CNTRL: variants seen among roughly 807,000 people sequenced by gnomAD.
CNTRL encodes 110 kDa centrosomal protein.
A neutral mutation model predicts 303.7 loss-of-function variants in CNTRL; 233 were observed. That is an observed-to-expected ratio of 0.77 (90% CI 0.69 to 0.86). CNTRL has a LOEUF of 0.86. Ranked by LOEUF, CNTRL falls within the 40% of genes least tolerant of loss-of-function variation. The pLI, the probability that CNTRL is intolerant of heterozygous loss-of-function variation, is 0.00. For missense variants in CNTRL, 2,524 were observed against 2,650.6 expected (o/e 0.95, Z 1.05); for synonymous variants, 900 against 922.2 (o/e 0.98, Z 0.44).
chr9:121,173,672 A>G lies in CNTRL; in HGVS notation c.6685-3A>G, dbSNP rs757310475. The G allele has an allele frequency of 6.2e-7, 1 of 1,614,146 alleles. No individual in the cohort carries two copies. Among genetic ancestry groups the G allele is most frequent in the South Asian group, 1.1e-5 (1 of 91,074 alleles). ...TGATATCTCTATTTTCCCTCTGAGA[A>G]AGGATGAACACTGGCGTGGAGAAGC... On this transcript the variant is annotated splice_region_variant and splice_polypyrimidine_tract_variant and intron_variant, in intron 41 of 43. Coordinates refer to ENST00000373855, the MANE Select transcript of CNTRL (RefSeq NM_007018.6).
intron 2 of CNTRL, among the ~76,000 whole-genome samples, chr9:121,081,923 C>A (rs2048156228): frequency 6.6e-6 from 1 of 152,194 alleles, no homozygotes; most frequent in Non-Finnish European, 1.5e-5. Context: ...TCTAAACATG[C>A]CTTAGTCTTT....
At chr9:121,133,367 T>C (rs995143016) in intron 14 of CNTRL, among the ~76,000 whole-genome samples, 2 of 152,102 alleles carry the variant, frequency 1.3e-5, no homozygotes, top group African/African-American at 2.4e-5. Flanking sequence ...CCCCTCCCCC[T>C]GCCAGGCTGC....
At chr9:121,138,517 T>G (rs777716273) in intron 15 of CNTRL, 28 bp from the exon 16 acceptor site, 2 of 1,605,544 alleles carry the variant, frequency 1.2e-6, no homozygotes, top group Non-Finnish European at 1.7e-6. Flanking sequence ...GTTTTACACT[T>G]TCATGTCATT....
In CNTRL at chr9:121,171,430, G is replaced by A. The variant is rs777610127; in HGVS notation, c.6299G>A (p.Cys2100Tyr). ...TAGGAGCAAAAACAGGAGAACAGCT[G>A]CATACAAAAGGAAATGGCAACAATT... ...NLLEQKQENSCIQKEMATIEL... is the reference protein window; with the variant it reads ...NLLEQKQENSYIQKEMATIEL... The change falls in exon 40 of 44, where the codon TGC becomes TAC. Residue 2100 changes from cysteine to tyrosine, a missense_variant. Physicochemically the swap from Cys to Tyr is radical, Grantham distance 194. Coordinates refer to ENST00000373855, the MANE Select transcript of CNTRL (RefSeq NM_007018.6). The A allele has an allele frequency of 2.5e-6, 4 of 1,614,024 alleles. No homozygotes were observed. In the Admixed American group the frequency reaches 6.7e-5, roughly 27 times the overall value.
intron 16 of CNTRL, 44 bp from the exon 17 acceptor site, chr9:121,140,597 T>C (rs753147880): frequency 3.9e-6 from 6 of 1,525,712 alleles, no homozygotes; most frequent in Admixed American, 3.7e-5. Context: ...AGTGAAAATA[T>C]GCTGGCATGT....
chr9:121,127,654 T>C (rs1003990456), intron 14 of CNTRL, among the ~76,000 whole-genome samples: 3 of 152,128 alleles, frequency 2.0e-5, no homozygotes, highest in Non-Finnish European at 4.4e-5. Flanking sequence ...TGATTTTATA[T>C]ACTTTTTAAT....
At chr9:121,132,402 C>A (rs1409604712) in intron 14 of CNTRL, among the ~76,000 whole-genome samples, 5 of 152,136 alleles carry the variant, frequency 3.3e-5, no homozygotes, top group Non-Finnish European at 7.4e-5. Flanking sequence ...CACTGATACC[C>A]TTTCTTCCAC....
chr9:121,080,765 A>G (rs2048107018), intron 2 of CNTRL, among the ~76,000 whole-genome samples: 1 of 152,188 alleles, frequency 6.6e-6, no homozygotes. Context: ...TCTCTCCTTT[A>G]TATACTGTAT....
intron 4 of CNTRL, among the ~76,000 whole-genome samples, chr9:121,091,884 C>CTTT (rs148922615): frequency 1.2e-4 from 9 of 74,968 alleles, no homozygotes; most frequent in East Asian, 3.4e-4. Flanking sequence ...GAGGTCTTCT[C>CTTT]TTTTTTTTTT....
chr9:121,168,790 C>A (rs1049218004), intron 38 of CNTRL, among the ~76,000 whole-genome samples: 10 of 152,084 alleles, frequency 6.6e-5, no homozygotes, highest in African/African-American at 2.4e-4. Flanking sequence ...ACGTGGGAAT[C>A]CAGGGTAAAT....
intron 3 of CNTRL, among the ~76,000 whole-genome samples, chr9:121,089,197 A>G (rs1320412082): frequency 1.3e-5 from 2 of 152,240 alleles, no homozygotes; most frequent in Non-Finnish European, 2.9e-5. Context: ...GCAAGTTGGC[A>G]TATTGTTATT....
intron 20 of CNTRL, 43 bp from the exon 21 acceptor site, chr9:121,144,800 C>T: frequency 7.1e-7 from 1 of 1,400,186 alleles, no homozygotes. Flanking sequence ...AGAAGACAAC[C>T]TGTGATAGCA....
At position 121,162,070 on chromosome 9, in the gene CNTRL, A is replaced by G. The variant is rs1206279670; in HGVS notation, c.5222A>G (p.Glu1741Gly). Residue 1741 changes from glutamate to glycine, a missense_variant, in exon 34 of 44, where the codon GAG becomes GGG. By Grantham distance (98) the Glu-to-Gly change is moderately conservative. Coordinates refer to ENST00000373855, the MANE Select transcript of CNTRL (RefSeq NM_007018.6). The stretch of plus-strand genomic sequence containing the variant: ...CTGATTTAGGAGAAACTGGAGTTAG[A>G]GAATTTGCAGCAGATATCCCAGCAG... Reference protein sequence around the residue: ...VAVLEEKLELENLQQISQQQK... With the variant: ...VAVLEEKLELGNLQQISQQQK... The G allele has an allele frequency of 2.5e-5, 40 of 1,614,224 alleles. No homozygotes were observed. The highest frequency in any genetic ancestry group is 3.3e-5 in the Non-Finnish European group (39 of 1,180,024).
At chr9:121,172,129 C>A (rs993967885) in intron 40 of CNTRL, among the ~76,000 whole-genome samples, 1 of 152,172 alleles carries the variant, frequency 6.6e-6, no homozygotes, top group African/African-American at 2.4e-5. Context: ...TTCATCTGTG[C>A]TTCCAATCCC....
chr9:121,111,113 C>T (rs949943638), intron 8 of CNTRL: 4 of 152,006 alleles, frequency 2.6e-5, no homozygotes, highest in African/African-American at 7.2e-5. Flanking sequence ...TCTTGAGACT[C>T]GGAGACTTAT....
chr9:121,115,240 A>G (rs772014820), intron 11 of CNTRL, 40 bp downstream of exon 11: 4 of 1,149,122 alleles, frequency 3.5e-6, no homozygotes, highest in Admixed American at 4.1e-5. Context: ...AGGAAATGAA[A>G]AATGAAATGT....
intron 8 of CNTRL, among the ~76,000 whole-genome samples, chr9:121,108,819 G>A (rs2049605123): frequency 6.6e-6 from 1 of 152,016 alleles, no homozygotes; most frequent in Non-Finnish European, 1.5e-5. Context: ...ATTAATGTAT[G>A]TTCATTGTAA....
chr9:121,168,256 G>A lies in CNTRL; in HGVS notation c.6005G>A (p.Arg2002His), dbSNP rs753312589. The change falls in exon 38 of 44, where the codon CGT (arginine) becomes CAT (histidine). Residue 2002 changes from arginine to histidine, a missense_variant. Transcript: ENST00000373855. ...TCAAAGGTGCTGGCAGCTGAAGAGC[G>A]TGTTAGGACTCTGCAGGAAGAGGAG... ...VLSKVLAAEE[R>H]VRTLQEEERW... The A allele has an allele frequency of 3.0e-5, 48 of 1,614,084 alleles. No homozygotes were observed. Among genetic ancestry groups the A allele is most frequent in the Middle Eastern group, 1.6e-4 (1 of 6,084 alleles).
Position 121,145,279 on chromosome 9 carries a change from T to G in CNTRL, c.3204T>G (p.Thr1068=), listed in dbSNP as rs1193004049. The change falls in exon 22 of 44, where the codon ACT becomes ACG. Residue 1068 remains threonine (T), a synonymous_variant. Transcript: ENST00000373855. ...AGATGGAGAAAACAGGTGTAGGTAC[T>G]GGAGCAAACTCACAGGTCCTAGAAA... ...RLEMEKTGVG[T]GANSQVLEIE... The G allele has an allele frequency of 3.1e-6, 5 of 1,613,840 alleles. No homozygotes were observed. The highest frequency in any genetic ancestry group is 2.2e-5 in the East Asian group (1 of 44,862).
Sources: allele counts gnomAD v4.1 joint callset (sites outside exome capture counted in the v4.1 genomes callset), GRCh38; gene constraint gnomAD v4.1.1; transcripts MANE v1.5; gene names NCBI Gene and HGNC (gene_info 2026-07-23, HGNC 2026-07-21).